SIK2: variants seen among roughly 807,000 people sequenced by gnomAD.
The protein encoded by SIK2 is salt inducible kinase 2.
Under a neutral mutation model 103.2 loss-of-function variants are expected in SIK2, and 29 were observed. That is an observed-to-expected ratio of 0.28 (90% confidence interval 0.21 to 0.38). The LOEUF (loss-of-function observed/expected upper bound fraction) is 0.38. Ranked by LOEUF, SIK2 falls within the 10% of genes least tolerant of loss-of-function variation. The probability of loss-of-function intolerance (pLI) is 1.00; values close to 1 mark genes in which losing one functional copy is unlikely to be tolerated. For synonymous variants in SIK2, 412 were observed against 446.1 expected (o/e 0.92, Z 0.96); for missense variants, 879 against 1,171.0 (o/e 0.75, Z 3.64).
intron 3 of SIK2, among the ~76,000 whole-genome samples, chr11:111,686,800 T>C (rs1942852463): frequency 6.6e-6 from 1 of 152,220 alleles, no homozygotes; most frequent in Non-Finnish European, 1.5e-5. Context: ...TCTTGCAAAA[T>C]ATATTTGTCT....
At chr11:111,661,199 G>A (rs1942463063) in intron 3 of SIK2, among the ~76,000 whole-genome samples, 1 of 152,110 alleles carries the variant, frequency 6.6e-6, no homozygotes, top group Non-Finnish European at 1.5e-5. Flanking sequence ...TGCATCACAA[G>A]GAATATACTG....
At chr11:111,671,331 G>A (rs1002175639) in intron 3 of SIK2, 7 of 231,592 alleles carry the variant, frequency 3.0e-5, no homozygotes, top group South Asian at 6.5e-5. Flanking sequence ...ATTGCAGGGC[G>A]GCCTCCAGCT....
chr11:111,685,757 G>A (rs533025033), intron 3 of SIK2, among the ~76,000 whole-genome samples: 1 of 152,236 alleles, frequency 6.6e-6, no homozygotes, highest in South Asian at 2.1e-4. Flanking sequence ...GGCTGAGGTG[G>A]AAGGATTGAT....
chr11:111,691,408 C>T (rs574046300), intron 4 of SIK2, among the ~76,000 whole-genome samples: 41 of 152,198 alleles, frequency 2.7e-4, no homozygotes, highest in South Asian at 8.3e-4. Flanking sequence ...TTAGCTATTG[C>T]CAGTTACTAG....
Position 111,684,203 on chromosome 11 carries a change from A to G in SIK2, c.317-3798A>G, listed in dbSNP as rs1461657292. Among the ~76,000 whole-genome samples, 3 of 152,146 alleles carry G rather than the reference A, an allele frequency of 2.0e-5. No individual in the cohort carries two copies. The East Asian group carries it at 5.8e-4, about 29-fold the overall frequency. On this transcript the variant is annotated intron_variant, in intron 3 of 14. Transcript: ENST00000304987. Reference sequence around the variant, plus strand: ...AGTGCCTTCCTGCTGCCACGTTTCAAACTTTTTCTTTCCCCTTGCCTGTGG... The same window carrying G: ...AGTGCCTTCCTGCTGCCACGTTTCAGACTTTTTCTTTCCCCTTGCCTGTGG...
At chr11:111,672,820 G>C (rs1266058476) in intron 3 of SIK2, among the ~76,000 whole-genome samples, 1 of 152,194 alleles carries the variant, frequency 6.6e-6, no homozygotes, top group Non-Finnish European at 1.5e-5. Context: ...CGCAGAGTAA[G>C]ACACTTTCTA....
intron 3 of SIK2, among the ~76,000 whole-genome samples, chr11:111,667,554 C>G (rs1450064223): frequency 6.9e-6 from 1 of 145,048 alleles, no homozygotes; most frequent in African/African-American, 2.5e-5. Context: ...TGCGGTGGCA[C>G]AATCTCAGCT....
chr11:111,608,940 T>C (rs1941682511), intron 1 of SIK2, among the ~76,000 whole-genome samples: 1 of 152,218 alleles, frequency 6.6e-6, no homozygotes, highest in African/African-American at 2.4e-5. Context: ...TGCAGGAATA[T>C]TATTTTCTAA....
rs772811498 is a variant in SIK2, at chr11:111,612,391, TAGAG to T, written c.136-3849_136-3846del. Among the ~76,000 whole-genome samples, 9 of 152,220 alleles carry T rather than the reference TAGAG, an allele frequency of 5.9e-5. No individual in the cohort carries two copies. In the East Asian group the frequency reaches 9.6e-4, roughly 16 times the overall value. ...ATACATATTTCTGGGAAGTACTTGA[TAGAG>T]AGCTCCATTGTTAAGAAATTACTTG... On this transcript the variant is annotated intron_variant, in intron 1 of 14. Coordinates refer to ENST00000304987, the MANE Select transcript of SIK2 (RefSeq NM_015191.3).
chr11:111,612,932 ATATATATATATATATT>A (rs1368941729), intron 1 of SIK2, among the ~76,000 whole-genome samples: 1 of 144,982 alleles, frequency 6.9e-6, no homozygotes, highest in African/African-American at 2.6e-5. Flanking sequence ...ATATATATAT[ATATATATATATATATT>A]TATGATCATA....
chr11:111,612,538 A>G (rs1318480919), intron 1 of SIK2, among the ~76,000 whole-genome samples: 2 of 152,106 alleles, frequency 1.3e-5, no homozygotes, highest in Non-Finnish European at 2.9e-5. Flanking sequence ...TCATATGCGG[A>G]GTTCTAACTA....
intron 3 of SIK2, among the ~76,000 whole-genome samples, chr11:111,627,786 T>C (rs1941980026): frequency 6.6e-6 from 1 of 152,208 alleles, no homozygotes; most frequent in Non-Finnish European, 1.5e-5. Flanking sequence ...ATGTTCCCAA[T>C]GTTTTTTTCA....
At chr11:111,697,869 G>T (rs1025408697) in intron 4 of SIK2, among the ~76,000 whole-genome samples, 3 of 152,088 alleles carry the variant, frequency 2.0e-5, no homozygotes, top group Admixed American at 1.3e-4. Context: ...AATTAGCCAG[G>T]CATGGTGGCG....
At chr11:111,706,596 A>T (rs1591633338) in intron 8 of SIK2, among the ~76,000 whole-genome samples, 3 of 152,190 alleles carry the variant, frequency 2.0e-5, no homozygotes, top group South Asian at 4.2e-4. Context: ...AGTATGTTTT[A>T]AAAAAGGGAA....
At chr11:111,669,272 A>G (rs1398162890) in intron 3 of SIK2, among the ~76,000 whole-genome samples, 1 of 152,190 alleles carries the variant, frequency 6.6e-6, no homozygotes, top group Non-Finnish European at 1.5e-5. Context: ...GTGTATATTT[A>G]TTTCTCTCAG....
chr11:111,694,329 A>G (rs764991666), intron 4 of SIK2, among the ~76,000 whole-genome samples: 1 of 152,178 alleles, frequency 6.6e-6, no homozygotes, highest in Non-Finnish European at 1.5e-5. Flanking sequence ...GGTTGATGCA[A>G]CTTAATTTTT....
At position 111,720,716 on chromosome 11, in the gene SIK2, G is replaced by A. The variant is rs1215113883; in HGVS notation, c.1734G>A (p.Val578=). 3 of 1,610,968 alleles carry A rather than the reference G, an allele frequency of 1.9e-6. No homozygotes were observed. In the African/African-American group the frequency reaches 4.0e-5, roughly 22 times the overall value. The change falls in exon 11 of 15, where the codon GTG becomes GTA. Residue 578 remains valine, a synonymous_variant. Coordinates refer to ENST00000304987, the MANE Select transcript of SIK2 (RefSeq NM_015191.3). Reference sequence around the variant, plus strand: ...GAGAGGTCCACAACAGGTCTCCAGTGAGCTTCAGAGAGGGCCGCAGAGCAT... The same window carrying A: ...GAGAGGTCCACAACAGGTCTCCAGTAAGCTTCAGAGAGGGCCGCAGAGCAT... ...QKREVHNRSP[V]SFREGRRASD... is the part of the protein sequence containing the mutation.
At chr11:111,628,790 A>G (rs978177265) in intron 3 of SIK2, among the ~76,000 whole-genome samples, 22 of 151,984 alleles carry the variant, frequency 1.4e-4, no homozygotes, top group Non-Finnish European at 1.5e-4. Flanking sequence ...ATGTGCTTGT[A>G]CTGGTATTTC....
In SIK2 at chr11:111,722,669, C is replaced by A; in HGVS notation, c.2060C>A (p.Pro687His). Residue 687 changes from proline (P) to histidine (H), a missense_variant, in exon 14 of 15, where the codon CCC (proline) becomes CAC (histidine). Transcript: ENST00000304987. The surrounding 1 kb of genome is among the most constrained non-coding windows in gnomAD (Gnocchi z 4.4). ...GTTGTTTTTCTGCTCTTCCAGAAGC[C>A]CAGCCTTCTGTCAAAGGCCCAGAAC... Reference protein sequence around the residue: ...TQYLQHRLQKPSLLSKAQNTC... With the variant: ...TQYLQHRLQKHSLLSKAQNTC... 1 of 1,613,774 alleles carries A rather than the reference C, an allele frequency of 6.2e-7. No individual in the cohort carries two copies.
Sources: gnomAD v4.1 joint callset for allele counts (sites outside exome capture counted in the v4.1 genomes callset) on GRCh38, gnomAD v4.1.1 for gene constraint, Gnocchi (gnomAD v3.1) non-coding constraint, MANE v1.5 for transcripts, NCBI Gene and HGNC (gene_info 2026-07-23, HGNC 2026-07-21) for gene names.